Variants in CERS6 observed in about 807,000 individuals in gnomAD.
CERS6 encodes ceramide synthase 6.
In CERS6, 26 loss-of-function variants were observed where a neutral mutation model predicts 56.8. The ratio of observed to expected loss-of-function variants is 0.46; its 90% CI spans 0.34 to 0.63. The LOEUF is 0.63. CERS6 is among the 30% of genes least tolerant of loss of function. CERS6 has a pLI of 0.01. For synonymous variants in CERS6, 164 were observed against 173.3 expected, an observed-to-expected ratio of 0.95 and a Z score of 0.42; for missense variants, 415 against 467.5, an observed-to-expected ratio of 0.89 and a Z score of 1.04.
At chr2:168,469,433 C>T (rs189166873) in intron 1 of CERS6, among the ~76,000 whole-genome samples, 58 of 152,302 alleles carry the variant, frequency 3.8e-4, no homozygotes, top group African/African-American at 1.3e-3. Context: ...GATGAAACCA[C>T]AATGCTGTAT....
intron 6 of CERS6, among the ~76,000 whole-genome samples, chr2:168,699,279 C>T (rs1407917502): frequency 6.6e-6 from 1 of 152,164 alleles, no homozygotes; most frequent in East Asian, 1.9e-4. Flanking sequence ...AAACAGCCTG[C>T]TTCCTTATGA....
chr2:168,517,517 A>G (rs778699304), intron 1 of CERS6, among the ~76,000 whole-genome samples: 2 of 149,178 alleles, frequency 1.3e-5, no homozygotes, highest in Admixed American at 6.6e-5. Context: ...AAATAAATAA[A>G]TAAATAATAA....
At chr2:168,682,044 A>G (rs562940952) in intron 4 of CERS6, among the ~76,000 whole-genome samples, 1 of 152,158 alleles carries the variant, frequency 6.6e-6, no homozygotes, top group Non-Finnish European at 1.5e-5. Context: ...TGTTGATTCC[A>G]TATCTTGGCT....
rs906368882 is a variant in CERS6, at chr2:168,547,426, A to G, written c.171-170A>G. Among the ~76,000 whole-genome samples, 5 of 152,260 alleles carry G rather than the reference A, an allele frequency of 3.3e-5. No individual in the cohort carries two copies. The South Asian group carries it at 1.0e-3, about 32-fold the overall frequency. ...ACTGCTGGGGGCTAACAGAGAGAAA[A>G]ACGGTTAAGTCTGCCTTACAGTTAC... On this transcript the variant is annotated intron_variant, in intron 1 of 9. Transcript: ENST00000305747.
chr2:168,586,172 G>T (rs1683537517), intron 3 of CERS6, among the ~76,000 whole-genome samples: 1 of 148,264 alleles, frequency 6.7e-6, no homozygotes. Context: ...TTTTTTTAGA[G>T]ATGGAGTTTT....
At position 168,532,380 on chromosome 2, in the gene CERS6, A is replaced by G. The variant is rs543181150; in HGVS notation, c.171-15216A>G. ...GGTGGCATCAGAGATTCTCTTAACT[A>G]TATTTATTTAGTGTTGATAACACTT... is the stretch of plus-strand genomic sequence containing the variant. On this transcript the variant is annotated intron_variant, in intron 1 of 9. Coordinates refer to ENST00000305747, the MANE Select transcript of CERS6 (RefSeq NM_203463.3). Among the ~76,000 whole-genome samples, 20 of 151,980 alleles carry G rather than the reference A, an allele frequency of 1.3e-4. No individual in the cohort carries two copies. In the East Asian group the frequency reaches 2.1e-3, roughly 16 times the overall value.
chr2:168,698,520 C>T (rs558183107), intron 6 of CERS6, among the ~76,000 whole-genome samples: 1 of 152,246 alleles, frequency 6.6e-6, no homozygotes, highest in African/African-American at 2.4e-5. Flanking sequence ...AGAGAACTCA[C>T]AATCCCGATG....
chr2:168,572,838 T>C (rs1559003592), intron 3 of CERS6, among the ~76,000 whole-genome samples: 1 of 152,172 alleles, frequency 6.6e-6, no homozygotes, highest in Non-Finnish European at 1.5e-5. Flanking sequence ...ATTTATCTTT[T>C]CATCCCCACC....
chr2:168,593,973 T>G (rs1177454895), intron 3 of CERS6, among the ~76,000 whole-genome samples: 2 of 152,258 alleles, frequency 1.3e-5, no homozygotes, highest in Non-Finnish European at 2.9e-5. Flanking sequence ...TATTGCTACA[T>G]TGGTTTTGGT....
rs1395913204 is a variant in CERS6 at position 168,723,267 on chromosome 2, TC to T, written c.845+5291del. On this transcript the variant is annotated intron_variant, in intron 8 of 9. Transcript: ENST00000305747. ...CCCTACACCTCTAAAGACAGTCCCT[TC>T]CAGTTGCACACAGTGGCCATTATTA... Among the ~76,000 whole-genome samples the T allele has an allele frequency of 2.6e-5, 4 of 152,192 alleles. No homozygotes were observed. In the East Asian group the frequency reaches 7.7e-4, roughly 29 times the overall value.
At chr2:168,592,084 G>A (rs1683685175) in intron 3 of CERS6, among the ~76,000 whole-genome samples, 1 of 152,160 alleles carries the variant, frequency 6.6e-6, no homozygotes, top group African/African-American at 2.4e-5. Context: ...GATTTAGGAG[G>A]GGGGATGAGA....
chr2:168,554,491 G>C (rs754987367), intron 2 of CERS6, among the ~76,000 whole-genome samples: 9 of 152,174 alleles, frequency 5.9e-5, no homozygotes, highest in Non-Finnish European at 1.2e-4. Flanking sequence ...ATTGGACACA[G>C]AGATAGGCAT....
At chr2:168,716,727 G>GGT (rs1687235918) in intron 7 of CERS6, among the ~76,000 whole-genome samples, 1 of 152,038 alleles carries the variant, frequency 6.6e-6, no homozygotes, top group South Asian at 2.1e-4. Flanking sequence ...GAAGGTAGAA[G>GGT]GTACCTTTTA....
intron 8 of CERS6, among the ~76,000 whole-genome samples, chr2:168,760,968 A>G (rs1684564486): frequency 6.6e-6 from 1 of 152,224 alleles, no homozygotes; most frequent in South Asian, 2.1e-4. Context: ...TGTGTTAGCC[A>G]GGATGGTCTC....
chr2:168,552,349 TACACAC>T (rs56340726), intron 2 of CERS6, among the ~76,000 whole-genome samples: 4,519 of 139,926 alleles, frequency 0.032, 115 homozygotes, highest in African/African-American at 0.067. Flanking sequence ...ATACAGAGTA[TACACAC>T]ACACACACAC....
At chr2:168,639,567 T>A (rs1684939308) in intron 4 of CERS6, among the ~76,000 whole-genome samples, 1 of 152,218 alleles carries the variant, frequency 6.6e-6, no homozygotes, top group Admixed American at 6.5e-5. Flanking sequence ...AGATGTTCTT[T>A]ACTTAAGAAC....
At chr2:168,652,705 A>G (rs1363460167) in intron 4 of CERS6, among the ~76,000 whole-genome samples, 1 of 152,144 alleles carries the variant, frequency 6.6e-6, no homozygotes, top group Non-Finnish European at 1.5e-5. Context: ...AGAATAAACC[A>G]ATTTATTACT....
chr2:168,657,412 G>T (rs575371157), intron 4 of CERS6, among the ~76,000 whole-genome samples: 38 of 152,392 alleles, frequency 2.5e-4, no homozygotes, highest in Admixed American at 1.0e-3. Flanking sequence ...AGGTGGAGCT[G>T]CCTGCCAGTC....
At chr2:168,768,425 G>A (rs1341467858) in intron 9 of CERS6, among the ~76,000 whole-genome samples, 3 of 151,010 alleles carry the variant, frequency 2.0e-5, no homozygotes, top group Non-Finnish European at 4.4e-5. Flanking sequence ...TTGAGACTGG[G>A]CTTCTCCATG....
Sources: gnomAD v4.1 joint callset for allele counts (sites outside exome capture counted in the v4.1 genomes callset) on GRCh38, gnomAD v4.1.1 for gene constraint, MANE v1.5 for transcripts, NCBI Gene and HGNC (gene_info 2026-07-23, HGNC 2026-07-21) for gene names.